ZFHX3: variants seen among roughly 807,000 people sequenced by gnomAD.
ZFHX3 encodes the protein zinc finger homeobox 3, also known as zinc finger homeobox protein 3.
Under a neutral mutation model 279.1 loss-of-function variants are expected in ZFHX3, and 42 were observed. The ratio of observed to expected loss-of-function variants is 0.15; its 90% CI spans 0.12 to 0.19. The LOEUF is 0.19. Among genes scored for constraint, ZFHX3 ranks in the 10% least tolerant of loss-of-function variants. ZFHX3 has a pLI of 1.00. For synonymous variants in ZFHX3, 2,293 were observed against 1,957.8 expected, an observed-to-expected ratio of 1.17 and a Z score of -4.52; for missense variants, 4,981 against 4,754.0, an observed-to-expected ratio of 1.05 and a Z score of -1.40.
intron 1 of ZFHX3, among the ~76,000 whole-genome samples, chr16:73,058,054 C>T (rs964221314): frequency 6.9e-5 from 10 of 145,568 alleles, no homozygotes; most frequent in Admixed American, 2.0e-4. Context: ...CGCCGGCCGC[C>T]GCCTTTGTCT....
chr16:73,612,933 G>A (rs112353939), intron 2 of ZFHX3, among the ~76,000 whole-genome samples: 1 of 131,654 alleles, frequency 7.6e-6, no homozygotes, highest in African/African-American at 2.5e-5. Context: ...TTAAAAAAAG[G>A]AGGAGATGAG....
At chr16:73,036,527 A>G (rs140547941) in intron 1 of ZFHX3, among the ~76,000 whole-genome samples, 2 of 152,012 alleles carry the variant, frequency 1.3e-5, no homozygotes, top group African/African-American at 2.4e-5. Context: ...AGAGTCAGAA[A>G]GTGGAAATAA....
chr16:73,607,539 G>A (rs973693304), intron 2 of ZFHX3, among the ~76,000 whole-genome samples: 3 of 152,016 alleles, frequency 2.0e-5, no homozygotes, highest in Non-Finnish European at 2.9e-5. Context: ...TATAAAATGC[G>A]GAAAATACTA....
chr16:73,083,579 G>A (rs1331049213), intron 8 of ZFHX3, among the ~76,000 whole-genome samples: 1 of 152,114 alleles, frequency 6.6e-6, no homozygotes, highest in Non-Finnish European at 1.5e-5. Context: ...GCCCAGGATA[G>A]AGTACAGTGG....
intron 4 of ZFHX3, among the ~76,000 whole-genome samples, chr16:72,852,907 T>C (rs1408195508): frequency 6.6e-6 from 1 of 152,254 alleles, no homozygotes; most frequent in South Asian, 2.1e-4. Flanking sequence ...TCATGCCTCC[T>C]AGGTTTCAGC....
At chr16:73,342,383 T>G (rs2016049143) in intron 3 of ZFHX3, among the ~76,000 whole-genome samples, 1 of 152,216 alleles carries the variant, frequency 6.6e-6, no homozygotes, top group South Asian at 2.1e-4. Context: ...GGCTACATAC[T>G]GAAGCATGGT....
At chr16:73,607,660 G>A (rs1446381031) in intron 2 of ZFHX3, among the ~76,000 whole-genome samples, 1 of 152,130 alleles carries the variant, frequency 6.6e-6, no homozygotes, top group Non-Finnish European at 1.5e-5. Flanking sequence ...GTATTATTAT[G>A]AATACTACTA....
chr16:73,059,524 T>TTCTCTCCCTC (rs1555546370), exon 1 of ZFHX3: 4 of 103,252 alleles, frequency 3.9e-5, no homozygotes, highest in African/African-American at 1.5e-4. Flanking sequence ...ATTTTCCCCT[T>TTCTCTCCCTC]TCTCTCTCTC....
At chr16:73,860,388 C>CT (rs11284480) in intron 1 of ZFHX3, among the ~76,000 whole-genome samples, 3,489 of 139,822 alleles carry the variant, frequency 0.025, 70 homozygotes, top group African/African-American at 0.049. Context: ...CATTCCCTTA[C>CT]TTTTTTTTTT....
intron 3 of ZFHX3, among the ~76,000 whole-genome samples, chr16:73,367,189 T>G (rs963569563): frequency 4.6e-5 from 7 of 152,090 alleles, no homozygotes; most frequent in Non-Finnish European, 8.8e-5. Flanking sequence ...TACAAAACAT[T>G]AAATCGCCAC....
At chr16:73,801,800 C>T (rs328395) in intron 1 of ZFHX3, among the ~76,000 whole-genome samples, 59,153 of 152,016 alleles carry the variant, frequency 0.39, 12,339 homozygotes, top group East Asian at 0.59. Flanking sequence ...ACAGTTGTCC[C>T]GATTCCACAA....
At chr16:73,581,659 CTTTTTTTTTTTT>C (rs11286052) in intron 2 of ZFHX3, among the ~76,000 whole-genome samples, 2,030 of 73,432 alleles carry the variant, frequency 0.028, 50 homozygotes, top group East Asian at 0.12. Flanking sequence ...TCGAATGTCT[CTTTTTTTTTTTT>C]TTTTTTTTTT....
intron 1 of ZFHX3, among the ~76,000 whole-genome samples, chr16:73,856,073 A>G (rs1961719850): frequency 1.3e-5 from 2 of 152,222 alleles, no homozygotes; most frequent in African/African-American, 4.8e-5. Flanking sequence ...TGTTTCCAAT[A>G]CAGCCTTACA....
At position 73,189,021 on chromosome 16, in the gene ZFHX3, G is replaced by A. The variant is rs187339478; in HGVS notation, c.-1103-45190C>T. 8.6e-5 allele frequency among the ~76,000 whole-genome samples: 13 copies of A among 152,014 alleles called. No homozygotes were observed. The East Asian group carries it at 2.1e-3, about 25-fold the overall frequency. On this transcript the variant is annotated intron_variant, in intron 5 of 17. Transcript: ENST00000641206. ...TGGGATTACAGGCGCAAGCTACCAC[G>A]CCTGGCTACTTTTTGTATTTTTAGT...
intron 5 of ZFHX3, among the ~76,000 whole-genome samples, chr16:73,219,858 G>A (rs573539409): frequency 3.2e-4 from 49 of 152,302 alleles, no homozygotes; most frequent in African/African-American, 1.2e-4. Context: ...AGCCAAAGTG[G>A]GCAGATGACC....
chr16:73,691,711 G>A (rs182977674), intron 1 of ZFHX3, among the ~76,000 whole-genome samples: 70 of 152,304 alleles, frequency 4.6e-4, no homozygotes, highest in African/African-American at 1.6e-3. Context: ...TATATATGGT[G>A]GGGCCTGAAT....
intron 1 of ZFHX3, among the ~76,000 whole-genome samples, chr16:73,787,574 A>C (rs908543633): frequency 6.6e-6 from 1 of 152,180 alleles, no homozygotes; most frequent in Non-Finnish European, 1.5e-5. Flanking sequence ...AGGTATTCAA[A>C]CAGCATTTGT....
chr16:73,876,566 C>CT (rs751061887), intron 1 of ZFHX3, among the ~76,000 whole-genome samples: 159 of 152,204 alleles, frequency 1.0e-3, no homozygotes, highest in Admixed American at 2.2e-3. Flanking sequence ...TATCACTTTT[C>CT]TTTTTTTGCT....
intron 3 of ZFHX3, among the ~76,000 whole-genome samples, chr16:73,339,059 A>C (rs186604867): frequency 7.2e-4 from 109 of 152,300 alleles, no homozygotes; most frequent in South Asian, 2.3e-3. Context: ...CAGCCTGCAG[A>C]ACTGTGAGCC....
Sources: gnomAD v4.1 joint callset for allele counts (sites outside exome capture counted in the v4.1 genomes callset) on GRCh38, gnomAD v4.1.1 for gene constraint, MANE v1.5 for transcripts, NCBI Gene and HGNC (gene_info 2026-07-23, HGNC 2026-07-21) for gene names.